The following VPS13B variants were observed in gnomAD, a reference collection of about 807,000 sequenced individuals.
VPS13B encodes intermembrane lipid transfer protein VPS13B.
In VPS13B, 285 loss-of-function variants were observed where a neutral mutation model predicts 426.4. The ratio of observed to expected loss-of-function variants is 0.67; its 90% CI spans 0.61 to 0.74. The LOEUF (loss-of-function observed/expected upper bound fraction) is 0.74. Among genes scored for constraint, VPS13B ranks in the 30% least tolerant of loss-of-function variants. VPS13B has a pLI of 0.00. For synonymous variants in VPS13B, 1,676 were observed against 1,676.4 expected, an observed-to-expected ratio of 1.00 and a Z score of 0.01; for missense variants, 4,537 against 4,782.6, an observed-to-expected ratio of 0.95 and a Z score of 1.51.
At chr8:99,013,739 G>T (rs766754149) in intron 1 of VPS13B, 21 bp from the exon 2 acceptor site, 29 of 1,612,194 alleles carry the variant, frequency 1.8e-5, no homozygotes, top group Non-Finnish European at 2.3e-5. Flanking sequence ...GACTTCTAAC[G>T]TTTCTGTCTA....
At chr8:99,820,241 A>G in intron 49 of VPS13B, 119 bp downstream of exon 49, 1 of 926,268 alleles carries the variant, frequency 1.1e-6, no homozygotes, top group Non-Finnish European at 1.7e-6. Context: ...TCTTAGATGC[A>G]TATGTAAGAG....
intron 19 of VPS13B, among the ~76,000 whole-genome samples, chr8:99,277,569 T>A (rs764580264): frequency 5.3e-5 from 8 of 152,168 alleles, no homozygotes; most frequent in Non-Finnish European, 1.2e-4. Flanking sequence ...TCCTTAACAG[T>A]CCTTCAAGAC....
intron 19 of VPS13B, among the ~76,000 whole-genome samples, chr8:99,356,099 T>C (rs1812167455): frequency 6.6e-6 from 1 of 152,004 alleles, no homozygotes; most frequent in African/African-American, 2.4e-5. Flanking sequence ...GGGGTGAAAA[T>C]AGAGGCCTAA....
At chr8:99,610,284 T>C (rs1486573409) in intron 33 of VPS13B, among the ~76,000 whole-genome samples, 1 of 152,164 alleles carries the variant, frequency 6.6e-6, no homozygotes, top group Admixed American at 6.5e-5. Context: ...TAAAGACACA[T>C]GCACACATAT....
At chr8:99,572,652 A>G (rs1160828489) in intron 31 of VPS13B, among the ~76,000 whole-genome samples, 1 of 152,220 alleles carries the variant, frequency 6.6e-6, no homozygotes, top group Non-Finnish European at 1.5e-5. Context: ...TTATGGCTGC[A>G]TAGTATTCCA....
At position 99,275,775 on chromosome 8, in the gene VPS13B, A is replaced by G. The variant is rs139841877; in HGVS notation, c.2824+521A>G. 2.8e-3 allele frequency among the ~76,000 whole-genome samples: 419 copies of G among 152,272 alleles called. 6 individuals carry two copies. Among genetic ancestry groups the G allele is most frequent in the South Asian group, 0.02 (95 of 4,826 alleles). On this transcript the variant is annotated intron_variant, in intron 19 of 61. Transcript: ENST00000357162. Reference sequence around the variant, plus strand: ...TATTCAACACTGTAATAGCAGAGCTATACCTCTCATGTTGAGAGAAGGTAT... The same window carrying G: ...TATTCAACACTGTAATAGCAGAGCTGTACCTCTCATGTTGAGAGAAGGTAT...
chr8:99,451,090 AT>A (rs1180185650), intron 23 of VPS13B, among the ~76,000 whole-genome samples: 2 of 152,140 alleles, frequency 1.3e-5, no homozygotes, highest in Admixed American at 1.3e-4. Flanking sequence ...ATACCTTCAA[AT>A]TTTTTTAGTA....
At chr8:99,257,569 C>T (rs529867158) in intron 17 of VPS13B, among the ~76,000 whole-genome samples, 5 of 152,258 alleles carry the variant, frequency 3.3e-5, no homozygotes, top group Admixed American at 6.5e-5. Flanking sequence ...TGTACACACA[C>T]ACACACACAC....
chr8:99,839,830 CTA>C (rs1815588428), intron 54 of VPS13B, among the ~76,000 whole-genome samples: 2 of 152,206 alleles, frequency 1.3e-5, no homozygotes, highest in South Asian at 4.1e-4. Context: ...CCAGTGGTGG[CTA>C]TGAGAAATTT....
intron 33 of VPS13B, among the ~76,000 whole-genome samples, chr8:99,591,656 C>A (rs2133839850): frequency 6.6e-6 from 1 of 152,206 alleles, no homozygotes; most frequent in Non-Finnish European, 1.5e-5. Flanking sequence ...AAATTCTTTT[C>A]TTTAAGAATG....
At chr8:99,580,054 TG>T (rs1234014438) in intron 33 of VPS13B, among the ~76,000 whole-genome samples, 8 of 152,014 alleles carry the variant, frequency 5.3e-5, no homozygotes, top group Admixed American at 5.2e-4. Flanking sequence ...AAATTAAACC[TG>T]GCTAAGTTAT....
At chr8:99,497,637 CT>C (rs1820999629) in intron 25 of VPS13B, among the ~76,000 whole-genome samples, 1 of 151,848 alleles carries the variant, frequency 6.6e-6, no homozygotes, top group South Asian at 2.1e-4. Flanking sequence ...GAATATTGGA[CT>C]GAGAGATTGT....
intron 34 of VPS13B, among the ~76,000 whole-genome samples, chr8:99,642,823 A>G (rs1273902857): frequency 6.6e-6 from 1 of 152,196 alleles, no homozygotes; most frequent in Non-Finnish European, 1.5e-5. Flanking sequence ...TTAATGGCCC[A>G]TAGGTATGCT....
chr8:99,404,375 A>G (rs1266746741), intron 21 of VPS13B, among the ~76,000 whole-genome samples: 1 of 152,182 alleles, frequency 6.6e-6, no homozygotes, highest in Non-Finnish European at 1.5e-5. Flanking sequence ...TCCAGATGAA[A>G]TTCTGAATGT....
intron 14 of VPS13B, among the ~76,000 whole-genome samples, chr8:99,151,409 A>G (rs1294228381): frequency 6.6e-6 from 1 of 152,098 alleles, no homozygotes; most frequent in African/African-American, 2.4e-5. Flanking sequence ...TGTTTTATAG[A>G]TTGTGCCTTT....
intron 23 of VPS13B, among the ~76,000 whole-genome samples, chr8:99,444,779 C>T (rs1817832212): frequency 6.6e-6 from 1 of 152,058 alleles, no homozygotes; most frequent in Non-Finnish European, 1.5e-5. Flanking sequence ...AATTGATCCT[C>T]CCACCTCCTG....
intron 25 of VPS13B, among the ~76,000 whole-genome samples, chr8:99,496,502 T>A (rs1304749995): frequency 6.6e-6 from 1 of 152,020 alleles, no homozygotes; most frequent in Admixed American, 6.6e-5. Context: ...ATATAAAAAC[T>A]TACCCAGGCG....
chr8:99,781,167 G>A (rs1264298004), intron 42 of VPS13B, among the ~76,000 whole-genome samples: 3 of 152,116 alleles, frequency 2.0e-5, no homozygotes, highest in Admixed American at 1.3e-4. Flanking sequence ...CTTCATCAGT[G>A]TCTGATTTCT....
At chr8:99,699,229 A>G (rs1832168856) in intron 35 of VPS13B, among the ~76,000 whole-genome samples, 1 of 147,876 alleles carries the variant, frequency 6.8e-6, no homozygotes, top group Non-Finnish European at 1.5e-5. Context: ...TAAGGGGCAG[A>G]GTGGAAATTG....
Sources: allele counts gnomAD v4.1 joint callset (sites outside exome capture counted in the v4.1 genomes callset), GRCh38; gene constraint gnomAD v4.1.1; transcripts MANE v1.5; gene names NCBI Gene and HGNC (gene_info 2026-07-23, HGNC 2026-07-21).